Variants in STPG2 observed in about 807,000 individuals in gnomAD.
The protein encoded by STPG2 is sperm tail PG-rich repeat containing 2, also known as sperm-tail PG-rich repeat-containing protein 2.
Under a neutral mutation model 54.2 loss-of-function variants are expected in STPG2, and 56 were observed. The observed-to-expected ratio is 1.03, with a 90% confidence interval of 0.83 to 1.29. The LOEUF (loss-of-function observed/expected upper bound fraction) is 1.29. Among genes scored for constraint, STPG2 ranks in the 50% most tolerant of loss-of-function variants. STPG2 has a pLI of 0.00. For missense variants in STPG2, 596 were observed against 544.9 expected (o/e 1.09, Z -0.93); for synonymous variants, 200 against 181.8 (o/e 1.10, Z -0.81).
At chr4:97,500,407 T>C (rs929708776) in intron 4 of STPG2, among the ~76,000 whole-genome samples, 4 of 152,060 alleles carry the variant, frequency 2.6e-5, no homozygotes, top group Admixed American at 2.0e-4. Context: ...TCTGGATATG[T>C]AAATTTTGAA....
At chr4:97,913,048 G>T (rs886534238) in intron 8 of STPG2, among the ~76,000 whole-genome samples, 1 of 152,134 alleles carries the variant, frequency 6.6e-6, no homozygotes, top group African/African-American at 2.4e-5. Context: ...TTCCAAGAAT[G>T]CTAACAACAT....
At chr4:97,974,385 T>A (rs1365720666) in intron 6 of STPG2, among the ~76,000 whole-genome samples, 1 of 152,180 alleles carries the variant, frequency 6.6e-6, no homozygotes, top group African/African-American at 2.4e-5. Context: ...ACTTCTGAAC[T>A]AATGCTGAAT....
At chr4:97,554,364 G>A (rs142495499), downstream of STPG2, among the ~76,000 whole-genome samples, 90 of 152,268 alleles carry the variant, frequency 5.9e-4, no homozygotes, top group African/African-American at 1.9e-3. Flanking sequence ...GGGGAGTCCC[G>A]AACCAAATTC....
intron 8 of STPG2, among the ~76,000 whole-genome samples, chr4:97,907,709 C>T (rs1382858828): frequency 9.9e-5 from 15 of 152,024 alleles, no homozygotes; most frequent in East Asian, 3.9e-4. Context: ...TCAGAAATAA[C>T]GCCACTTATC....
At chr4:97,787,076 C>A (rs1726850159) in intron 9 of STPG2, among the ~76,000 whole-genome samples, 1 of 152,030 alleles carries the variant, frequency 6.6e-6, no homozygotes, top group African/African-American at 2.4e-5. Context: ...ATCCTGTGAA[C>A]CTGTGGAATT....
intron 8 of STPG2, among the ~76,000 whole-genome samples, chr4:97,914,138 C>A (rs775800623): frequency 2.0e-5 from 3 of 152,164 alleles, no homozygotes; most frequent in Non-Finnish European, 4.4e-5. Context: ...CCAACAAGCA[C>A]GAAAATCTCC....
intron 9 of STPG2, among the ~76,000 whole-genome samples, chr4:97,735,276 T>G (rs1724943871): frequency 6.6e-6 from 1 of 151,730 alleles, no homozygotes; most frequent in African/African-American, 2.4e-5. Flanking sequence ...TATATATACA[T>G]ACACAAAGTG....
chr4:97,960,101 T>C (rs947672071), intron 7 of STPG2, among the ~76,000 whole-genome samples: 1 of 152,118 alleles, frequency 6.6e-6, no homozygotes, highest in South Asian at 2.1e-4. Flanking sequence ...AAAATTCACA[T>C]GATCATCTCA....
At chr4:97,750,203 A>C (rs1725541649) in intron 9 of STPG2, among the ~76,000 whole-genome samples, 1 of 151,742 alleles carries the variant, frequency 6.6e-6, no homozygotes, top group Non-Finnish European at 1.5e-5. Flanking sequence ...AGCCCTTAGA[A>C]AATCTTTGCT....
At chr4:98,126,087 C>T (rs1315120764) in intron 3 of STPG2, among the ~76,000 whole-genome samples, 1 of 152,246 alleles carries the variant, frequency 6.6e-6, no homozygotes, top group African/African-American at 2.4e-5. Context: ...TCATCTTAGG[C>T]AGTCTCCAGC....
chr4:98,022,894 T>A (rs965397733), intron 5 of STPG2, among the ~76,000 whole-genome samples: 1 of 152,182 alleles, frequency 6.6e-6, no homozygotes, highest in Non-Finnish European at 1.5e-5. Flanking sequence ...CTTCTCTGCA[T>A]TGGGTATTCT....
chr4:97,450,561 A>C (rs1729339775), intron 4 of STPG2, among the ~76,000 whole-genome samples: 1 of 152,210 alleles, frequency 6.6e-6, no homozygotes. Flanking sequence ...ATAGGACTTA[A>C]TCAGGCAACG....
Position 97,730,658 on chromosome 4 carries a change from T to C in STPG2, c.1205-17844A>G, listed in dbSNP as rs887932817. Among the ~76,000 whole-genome samples, 3 of 152,232 alleles carry C rather than the reference T, an allele frequency of 2.0e-5. No individual in the cohort carries two copies. In the South Asian group the frequency reaches 6.2e-4, roughly 31 times the overall value. On this transcript the variant is annotated intron_variant, in intron 9 of 10. Transcript: ENST00000295268. The stretch of plus-strand genomic sequence containing the variant: ...CTGTCTCCTCTCTCAGAAATGCCAA[T>C]GAGTCATTGGTTTGGTCTCTTTACA...
chr4:97,660,038 T>A (rs1200693745), intron 10 of STPG2, among the ~76,000 whole-genome samples: 1 of 151,520 alleles, frequency 6.6e-6, no homozygotes, highest in African/African-American at 2.4e-5. Flanking sequence ...AGTCTCGCTC[T>A]GTCGCCCAGG....
chr4:97,599,515 T>C (rs563262070), intron 10 of STPG2, among the ~76,000 whole-genome samples: 6 of 152,064 alleles, frequency 3.9e-5, no homozygotes, highest in African/African-American at 1.2e-4. Context: ...CAATGGTAGA[T>C]TGGATAAAGA....
chr4:97,649,789 C>A (rs923435215), intron 10 of STPG2, among the ~76,000 whole-genome samples: 1 of 152,032 alleles, frequency 6.6e-6, no homozygotes, highest in Non-Finnish European at 1.5e-5. Context: ...CACCAGGGAC[C>A]GGTTTCATGG....
At chr4:97,967,975 C>A (rs1734173289) in intron 7 of STPG2, among the ~76,000 whole-genome samples, 1 of 151,980 alleles carries the variant, frequency 6.6e-6, no homozygotes, top group Non-Finnish European at 1.5e-5. Flanking sequence ...CAAACACATT[C>A]AAAAGCTAGC....
intron 5 of STPG2, among the ~76,000 whole-genome samples, chr4:98,050,714 A>T (rs943768397): frequency 2.0e-5 from 3 of 152,204 alleles, no homozygotes; most frequent in Non-Finnish European, 2.9e-5. Context: ...AATGTTTTTA[A>T]CGAAAAGGAA....
chr4:97,939,259 T>C (rs994372165), intron 8 of STPG2, among the ~76,000 whole-genome samples: 6 of 152,204 alleles, frequency 3.9e-5, no homozygotes, highest in African/African-American at 1.2e-4. Flanking sequence ...GTATGTGCCA[T>C]GTGGCAATAA....
Sources: allele counts gnomAD v4.1 joint callset (sites outside exome capture counted in the v4.1 genomes callset), GRCh38; gene constraint gnomAD v4.1.1; transcripts MANE v1.5; gene names NCBI Gene and HGNC (gene_info 2026-07-23, HGNC 2026-07-21).